EPHA3: variants seen among roughly 807,000 people sequenced by gnomAD.
EPHA3 encodes ephrin type-A receptor 3.
EPHA3 carries 42 observed loss-of-function variants against 107.1 expected under a neutral mutation model. The ratio of observed to expected loss-of-function variants is 0.39; its 90% confidence interval spans 0.31 to 0.51. The LOEUF is 0.51. Among genes scored for constraint, EPHA3 ranks in the 20% least tolerant of loss-of-function variants. The pLI, the probability that EPHA3 is intolerant of heterozygous loss-of-function variation, is 0.78. For missense variants in EPHA3, 1,183 were observed against 1,211.2 expected (o/e 0.98, Z 0.35); for synonymous variants, 461 against 424.8 (o/e 1.09, Z -1.05).
At chr3:89,308,534 C>A (rs1706682700) in intron 3 of EPHA3, among the ~76,000 whole-genome samples, 1 of 151,792 alleles carries the variant, frequency 6.6e-6, no homozygotes, top group Admixed American at 6.6e-5. Context: ...GCTAAGAATT[C>A]TGCTTGCACA....
At chr3:89,246,588 A>G (rs1456501402) in intron 3 of EPHA3, among the ~76,000 whole-genome samples, 1 of 152,116 alleles carries the variant, frequency 6.6e-6, no homozygotes, top group East Asian at 1.9e-4. Flanking sequence ...TGAAGTTGCC[A>G]TCATTCCCAT....
intron 3 of EPHA3, among the ~76,000 whole-genome samples, chr3:89,221,378 C>A (rs1704370622): frequency 6.6e-6 from 1 of 152,126 alleles, no homozygotes; most frequent in Non-Finnish European, 1.5e-5. Flanking sequence ...TGTTTGCATT[C>A]CCTATAGAAG....
intron 10 of EPHA3, among the ~76,000 whole-genome samples, chr3:89,415,837 C>A (rs1337425495): frequency 2.0e-5 from 3 of 151,260 alleles, no homozygotes; most frequent in Non-Finnish European, 4.4e-5. Context: ...CATTTCAGCA[C>A]GTGAATAAAC....
chr3:89,366,033 G>C (rs553616224), intron 5 of EPHA3, among the ~76,000 whole-genome samples: 1 of 150,764 alleles, frequency 6.6e-6, no homozygotes, highest in African/African-American at 2.4e-5. Context: ...CAAACCAGTT[G>C]ACACACTAAT....
At chr3:89,176,530 T>G (rs1705324306) in intron 2 of EPHA3, among the ~76,000 whole-genome samples, 1 of 151,858 alleles carries the variant, frequency 6.6e-6, no homozygotes, top group Non-Finnish European at 1.5e-5. Flanking sequence ...AATATATGTT[T>G]TTTCACCTAC....
intron 3 of EPHA3, among the ~76,000 whole-genome samples, chr3:89,291,042 TATATA>T (rs1184148729): frequency 6.6e-6 from 1 of 152,166 alleles, no homozygotes; most frequent in Non-Finnish European, 1.5e-5. Flanking sequence ...CATTTTTCTT[TATATA>T]CCCTTTGTAG....
Position 89,419,489 on chromosome 3 carries a change from G to A in EPHA3, c.2074+99G>A, listed in dbSNP as rs555508662. On this transcript the variant is annotated intron_variant, in intron 11 of 16. Transcript: ENST00000336596. ...TAAGAATTTTGGCTTTTTTTCATAA[G>A]TATCTCAGTTTTACCAAAAAGAAAA... is the stretch of plus-strand genomic sequence containing the variant. The A allele has an allele frequency of 5.5e-5, 58 of 1,053,444 alleles. No homozygotes were observed. The Middle Eastern group carries it at 7.1e-4, about 13-fold the overall frequency. 65.3% of individuals were successfully genotyped at this position (1,053,444 alleles called of 1,614,324 possible).
In EPHA3 at chr3:89,402,723, T is replaced by A. The variant is rs536937798; in HGVS notation, c.1594+3243T>A. Among the ~76,000 whole-genome samples the A allele has an allele frequency of 3.3e-5, 5 of 152,300 alleles. No individual in the cohort carries two copies. The South Asian group carries it at 1.0e-3, about 32-fold the overall frequency. On this transcript the variant is annotated intron_variant, in intron 7 of 16. Coordinates refer to ENST00000336596, the MANE Select transcript of EPHA3 (RefSeq NM_005233.6). ...TTATTTATTCTTTTTTGAGACCAAG[T>A]CTTGCTCTGTCGCCCAGGTGGGAAT...
rs1379388447 is a variant in EPHA3, at chr3:89,271,243, CAAGAAACCA to C, written c.814+60724_814+60732del. On this transcript the variant is annotated intron_variant, in intron 3 of 16. Coordinates refer to ENST00000336596, the MANE Select transcript of EPHA3 (RefSeq NM_005233.6). ...GTCACTGTATTACCTTTTGTATAAG[CAAGAAACCA>C]CAAGAAAAGCCGAAAAAAAGAAAAC... 2.6e-5 allele frequency among the ~76,000 whole-genome samples: 4 copies of C among 151,684 alleles called. 1 individual carries two copies. The highest frequency in any genetic ancestry group is 9.7e-5 in the African/African-American group (4 of 41,384).
intron 5 of EPHA3, among the ~76,000 whole-genome samples, chr3:89,385,255 C>G (rs1327479918): frequency 1.3e-5 from 2 of 152,068 alleles, no homozygotes; most frequent in Admixed American, 6.6e-5. Flanking sequence ...TTAAATATAG[C>G]TGTTTATCAA....
chr3:89,409,148 T>C (rs1446953555), intron 9 of EPHA3, among the ~76,000 whole-genome samples: 1 of 152,076 alleles, frequency 6.6e-6, no homozygotes, highest in Non-Finnish European at 1.5e-5. Context: ...ATTATTTTGT[T>C]CATCCAATTG....
rs1166889756 is a variant in EPHA3, at chr3:89,219,695, TTTTTTTTGTTTTTTG to T, written c.814+9183_814+9197del. Among the ~76,000 whole-genome samples the T allele has an allele frequency of 2.4e-3, 29 of 12,294 alleles. 1 individual carries two copies. The highest frequency in any genetic ancestry group is 5.5e-3 in the East Asian group (3 of 548). 8.1% of individuals were successfully genotyped at this position (12,294 alleles called of 152,430 possible). A position where few individuals can be genotyped will look rare whatever the true frequency, so the allele number is the denominator to read the frequency against. Reference sequence around the variant, plus strand: ...CAAGAGGCATTTGGCAATGTTTTTTTTTTTTTTGTTTTTTGTTTTTTTTTTTTTTTTGAGACGGAG... The same window carrying T: ...CAAGAGGCATTTGGCAATGTTTTTTTTTTTTTTTTTTTTTTTGAGACGGAG... On this transcript the variant is annotated intron_variant, in intron 3 of 16. Coordinates refer to ENST00000336596, the MANE Select transcript of EPHA3 (RefSeq NM_005233.6).
chr3:89,379,539 G>C (rs188146235), intron 5 of EPHA3, among the ~76,000 whole-genome samples: 1 of 152,282 alleles, frequency 6.6e-6, no homozygotes, highest in Admixed American at 6.5e-5. Flanking sequence ...GAGAAGTAGA[G>C]TAGATATTAG....
chr3:89,424,932 A>C (rs1171358625), intron 11 of EPHA3, among the ~76,000 whole-genome samples: 1 of 151,468 alleles, frequency 6.6e-6, no homozygotes, highest in South Asian at 2.1e-4. Context: ...TTGATAGAGT[A>C]GGGTTGGTTA....
chr3:89,407,448 A>C, intron 8 of EPHA3, 77 bp downstream of exon 8: 3 of 1,157,864 alleles, frequency 2.6e-6, no homozygotes, highest in Non-Finnish European at 3.9e-6. Flanking sequence ...TAAAATGTGA[A>C]GAGTGTGCTC....
chr3:89,183,620 T>C (rs1333342998), intron 2 of EPHA3, among the ~76,000 whole-genome samples: 4 of 151,774 alleles, frequency 2.6e-5, no homozygotes, highest in Admixed American at 2.6e-4. Context: ...ATTAAGGTGA[T>C]TTAATAAAGA....
intron 1 of EPHA3, among the ~76,000 whole-genome samples, chr3:89,114,663 G>A (rs1707211017): frequency 6.6e-6 from 1 of 152,168 alleles, no homozygotes; most frequent in African/African-American, 2.4e-5. Flanking sequence ...CCGGGTTTCT[G>A]CCCCCGGGCG....
intron 1 of EPHA3, among the ~76,000 whole-genome samples, chr3:89,118,583 C>T (rs968271415): frequency 1.3e-5 from 2 of 151,662 alleles, no homozygotes; most frequent in African/African-American, 4.8e-5. Flanking sequence ...TTAGTGAAAA[C>T]TTTGGAACTC....
intron 3 of EPHA3, among the ~76,000 whole-genome samples, chr3:89,299,675 A>T (rs1442920982): frequency 6.6e-6 from 1 of 151,994 alleles, no homozygotes; most frequent in African/African-American, 2.4e-5. Flanking sequence ...ATAGGAAGTG[A>T]TGGGGGCAGG....
Sources: gnomAD v4.1 joint callset for allele counts (sites outside exome capture counted in the v4.1 genomes callset) on GRCh38, gnomAD v4.1.1 for gene constraint, MANE v1.5 for transcripts, NCBI Gene and HGNC (gene_info 2026-07-23, HGNC 2026-07-21) for gene names.